Variants in NRIP1 observed in about 807,000 individuals in gnomAD.
The protein encoded by NRIP1 is nuclear receptor interacting protein 1.
In NRIP1, 28 loss-of-function variants were observed where a neutral mutation model predicts 75.0. That is an observed-to-expected ratio of 0.37 (90% CI 0.28 to 0.51). The LOEUF is 0.51. NRIP1 is among the 20% of genes least tolerant of loss of function. NRIP1 has a pLI of 0.92. For synonymous variants in NRIP1, 526 were observed against 487.6 expected, an observed-to-expected ratio of 1.08 and a Z score of -1.04; for missense variants, 1,435 against 1,343.7, an observed-to-expected ratio of 1.07 and a Z score of -1.06.
chr21:14,989,950 GA>G (rs201031555), intron 3 of NRIP1, among the ~76,000 whole-genome samples: 6 of 150,178 alleles, frequency 4.0e-5, no homozygotes, highest in East Asian at 3.9e-4. Context: ...TATTAATCAT[GA>G]AAAAAAAAGA....
At chr21:15,013,507 T>C (rs1600870033) in intron 3 of NRIP1, among the ~76,000 whole-genome samples, 1 of 152,200 alleles carries the variant, frequency 6.6e-6, no homozygotes, top group Non-Finnish European at 1.5e-5. Flanking sequence ...GTTTTTCAGT[T>C]AGCTAGATGA....
At chr21:15,032,001 C>A (rs7281982) in intron 2 of NRIP1, among the ~76,000 whole-genome samples, 1,798 of 152,246 alleles carry the variant, frequency 0.012, 29 homozygotes, top group African/African-American at 0.041. Context: ...TGGAGGATCA[C>A]CACATTCCCT....
intron 2 of NRIP1, among the ~76,000 whole-genome samples, chr21:15,024,433 T>C (rs966883862): frequency 6.6e-6 from 1 of 152,034 alleles, no homozygotes; most frequent in African/African-American, 2.4e-5. Context: ...TCCCAGCTAC[T>C]AGGGAGGCTG....
chr21:15,007,379 A>G (rs1433893840), intron 3 of NRIP1, among the ~76,000 whole-genome samples: 1 of 152,226 alleles, frequency 6.6e-6, no homozygotes, highest in Non-Finnish European at 1.5e-5. Context: ...TGTTTAACAT[A>G]AACAGTGCTA....
intron 2 of NRIP1, among the ~76,000 whole-genome samples, chr21:15,024,141 T>C (rs1440940105): frequency 1.3e-5 from 2 of 152,218 alleles, no homozygotes; most frequent in Non-Finnish European, 2.9e-5. Context: ...AGGTTAACTA[T>C]ATGCAAAGCG....
intron 1 of NRIP1, among the ~76,000 whole-genome samples, chr21:15,052,596 A>AGGT (rs1260878226): frequency 2.0e-5 from 3 of 152,206 alleles, no homozygotes; most frequent in Admixed American, 2.0e-4. Context: ...CAATGACTTA[A>AGGT]ACTACAGAAG....
At chr21:15,039,387 A>G (rs1346408075) in intron 2 of NRIP1, among the ~76,000 whole-genome samples, 1 of 152,098 alleles carries the variant, frequency 6.6e-6, no homozygotes, top group Non-Finnish European at 1.5e-5. Context: ...ATAAGTTTCC[A>G]TATTGACTGT....
At chr21:15,047,587 A>G (rs893979771) in intron 1 of NRIP1, among the ~76,000 whole-genome samples, 5 of 152,168 alleles carry the variant, frequency 3.3e-5, no homozygotes, top group Non-Finnish European at 5.9e-5. Context: ...ATCAGATCTC[A>G]TGAGAACTCA....
At chr21:14,994,505 T>C (rs559226234) in intron 3 of NRIP1, among the ~76,000 whole-genome samples, 1 of 152,350 alleles carries the variant, frequency 6.6e-6, no homozygotes, top group Non-Finnish European at 1.5e-5. Context: ...ATTAGCTTAC[T>C]GAAAAGGATC....
At chr21:15,011,201 T>C (rs781301931) in intron 3 of NRIP1, among the ~76,000 whole-genome samples, 42 of 152,166 alleles carry the variant, frequency 2.8e-4, no homozygotes, top group Non-Finnish European at 5.9e-5. Flanking sequence ...ACTGGCACTT[T>C]TTTTTTGAGA....
intron 1 of NRIP1, among the ~76,000 whole-genome samples, chr21:15,056,638 G>C (rs113383784): frequency 6.6e-6 from 1 of 151,924 alleles, no homozygotes; most frequent in South Asian, 2.1e-4. Flanking sequence ...AAAATATAAC[G>C]TATTCTCTAA....
intron 2 of NRIP1, among the ~76,000 whole-genome samples, chr21:15,026,508 A>C (rs562417234): frequency 6.6e-6 from 1 of 152,190 alleles, no homozygotes; most frequent in Non-Finnish European, 1.5e-5. Context: ...CATTCTTTAC[A>C]TATCTACTCT....
intron 2 of NRIP1, among the ~76,000 whole-genome samples, chr21:15,021,960 A>G (rs1469919389): frequency 6.6e-6 from 1 of 152,178 alleles, no homozygotes; most frequent in Admixed American, 6.5e-5. Context: ...AAATTAGTTC[A>G]ACCATTGTGG....
Position 14,965,381 on chromosome 21 carries a change from G to A in NRIP1, c.2812C>T (p.Gln938Ter). Residue 938 changes from glutamine (Q) to a stop codon, truncating the protein, a stop_gained, in exon 4 of 4, where the codon CAG becomes TAG. Coordinates refer to ENST00000318948, the MANE Select transcript of NRIP1 (RefSeq NM_003489.4). LOFTEE classifies it high-confidence loss of function. ...RESKSFNVLK[Q>*]LLLSENCVRD... ...ACACAGTTTTCTGAGAGAAGCAGCT[G>A]TTTCAGAACATTAAAGCTTTTGCTC... 1 of 1,614,034 alleles carries A rather than the reference G, an allele frequency of 6.2e-7. No individual in the cohort carries two copies.
At chr21:15,047,040 A>G (rs1159487284) in intron 1 of NRIP1, among the ~76,000 whole-genome samples, 3 of 152,202 alleles carry the variant, frequency 2.0e-5, no homozygotes, top group Admixed American at 6.5e-5. Context: ...AAGGCTGTCT[A>G]TTAGTCCGTT....
intron 1 of NRIP1, among the ~76,000 whole-genome samples, chr21:15,048,311 A>T (rs938939354): frequency 1.3e-5 from 2 of 152,244 alleles, no homozygotes; most frequent in African/African-American, 4.8e-5. Context: ...GTTTGTAAAA[A>T]ACAAAATTAT....
chr21:15,052,958 TC>T (rs1336287849), intron 1 of NRIP1, among the ~76,000 whole-genome samples: 2 of 152,196 alleles, frequency 1.3e-5, no homozygotes, highest in Non-Finnish European at 2.9e-5. Context: ...TATAAAGAAA[TC>T]CATATTAATT....
intron 2 of NRIP1, among the ~76,000 whole-genome samples, chr21:15,017,209 CA>C (rs759387231): frequency 2.6e-5 from 4 of 152,056 alleles, no homozygotes; most frequent in Admixed American, 6.5e-5. Flanking sequence ...TCTAGAGGAA[CA>C]TTACTATTAT....
rs1231127236 is a variant in NRIP1, at chr21:14,967,030, G to C, written c.1163C>G (p.Thr388Ser). 6.2e-7 allele frequency: 1 copy of C among 1,614,012 alleles called. No homozygotes were observed. Among genetic ancestry groups the C allele is most frequent in the African/African-American group, 1.3e-5 (1 of 74,906 alleles). The stretch of plus-strand genomic sequence containing the variant: ...GTGTCCATTCATTGGCTTAGGTATA[G>C]TCTGGCTTTTAAGAAGATGTAAAAG... Reference protein sequence around the residue: ...SLLLHLLKSQTIPKPMNGHSH... With the variant: ...SLLLHLLKSQSIPKPMNGHSH... Residue 388 changes from threonine to serine, a missense_variant, in exon 4 of 4, where the codon ACT becomes AGT. By Grantham distance (58) the Thr-to-Ser change is moderately conservative. Coordinates refer to ENST00000318948, the MANE Select transcript of NRIP1 (RefSeq NM_003489.4).
Sources: allele counts gnomAD v4.1 joint callset (sites outside exome capture counted in the v4.1 genomes callset), GRCh38; gene constraint gnomAD v4.1.1; transcripts MANE v1.5; gene names NCBI Gene and HGNC (gene_info 2026-07-23, HGNC 2026-07-21).